Variants in FHAD1 observed in about 807,000 individuals in gnomAD.
FHAD1 encodes forkhead-associated domain-containing protein 1.
A neutral mutation model predicts 191.3 loss-of-function variants in FHAD1; 146 were observed. The observed-to-expected ratio is 0.76, with a 90% CI of 0.67 to 0.88. The LOEUF is 0.88. FHAD1 is among the 40% of genes least tolerant of loss of function. FHAD1 has a pLI of 0.00. For synonymous variants in FHAD1, 616 were observed against 672.3 expected, an observed-to-expected ratio of 0.92 and a Z score of 1.29; for missense variants, 1,635 against 1,785.8, an observed-to-expected ratio of 0.92 and a Z score of 1.52.
rs947828558 is a variant in FHAD1 at position 15,329,688 on chromosome 1, A to T, written c.1906+147A>T. On this transcript the variant is annotated intron_variant, in intron 14 of 33. Coordinates refer to ENST00000688493, the MANE Select transcript of FHAD1 (RefSeq NM_001391957.1). This position sits in a 1 kb window ranked among gnomAD's most constrained non-coding sequence, Gnocchi z 5.0. The stretch of plus-strand genomic sequence containing the variant: ...CCAGAACCCCCTGCTTCTCTGCTTG[A>T]GGCGTAATTTTCCATTAAAAAAAAA... 5.0e-6 allele frequency: 3 copies of T among 599,746 alleles called. No homozygotes were observed. Among genetic ancestry groups the T allele is most frequent in the African/African-American group, 3.7e-5 (2 of 53,850 alleles). 37.2% of individuals were successfully genotyped at this position (599,746 alleles called of 1,614,324 possible).
rs944514435 is a variant in FHAD1, at chr1:15,361,543, A to T, written c.2962+840A>T. Among the ~76,000 whole-genome samples, 19 of 152,034 alleles carry T rather than the reference A, an allele frequency of 1.2e-4. 1 individual carries two copies. The highest frequency in any genetic ancestry group is 4.6e-4 in the African/African-American group (19 of 41,388). On this transcript the variant is annotated intron_variant, in intron 22 of 33. Transcript: ENST00000688493. ...CTCGGTGGAGCTTCTGTTATGTTCC[A>T]ATCTCATGTAGGCACTCAGGATCCA...
chr1:15,293,992 G>A (rs1434431509), intron 4 of FHAD1, among the ~76,000 whole-genome samples: 1 of 152,146 alleles, frequency 6.6e-6, no homozygotes, highest in South Asian at 2.1e-4. Flanking sequence ...TCCCACCGGG[G>A]TGTCATCTGG....
chr1:15,373,250 C>T (rs1698622801), intron 26 of FHAD1, among the ~76,000 whole-genome samples: 1 of 152,156 alleles, frequency 6.6e-6, no homozygotes, highest in Non-Finnish European at 1.5e-5. Flanking sequence ...GTGGCTCACA[C>T]CTGTAATCCC....
At chr1:15,290,769 T>C (rs999130472) in intron 4 of FHAD1, among the ~76,000 whole-genome samples, 32 of 151,422 alleles carry the variant, frequency 2.1e-4, no homozygotes, top group Non-Finnish European at 3.8e-4. Flanking sequence ...TCGGCAGTGG[T>C]GCCATCTCAG....
At chr1:15,344,971 C>T in intron 16 of FHAD1, 112 bp from the exon 17 acceptor site, 1 of 795,864 alleles carries the variant, frequency 1.3e-6, no homozygotes, top group Non-Finnish European at 2.1e-6. Context: ...TGCCCACAGC[C>T]TCCCCAGGGG....
At chr1:15,320,981 C>T (rs1325135267) in intron 10 of FHAD1, among the ~76,000 whole-genome samples, 1 of 152,198 alleles carries the variant, frequency 6.6e-6, no homozygotes, top group Non-Finnish European at 1.5e-5. Context: ...TATTGCCAGG[C>T]TGGAGTGCAG....
chr1:15,345,234 G>A (rs1486706278), intron 17 of FHAD1, 44 bp downstream of exon 17: 4 of 1,499,314 alleles, frequency 2.7e-6, no homozygotes, highest in African/African-American at 2.8e-5. Flanking sequence ...CCCCACTGCA[G>A]CTAGGAAGGG....
intron 15 of FHAD1, among the ~76,000 whole-genome samples, chr1:15,340,202 G>T (rs1250819754): frequency 6.6e-6 from 1 of 152,202 alleles, no homozygotes; most frequent in Non-Finnish European, 1.5e-5. Context: ...ACAGGCAGCA[G>T]AATTACTAAA....
At chr1:15,380,343 C>A (rs576925690) in intron 28 of FHAD1, among the ~76,000 whole-genome samples, 1 of 152,312 alleles carries the variant, frequency 6.6e-6, no homozygotes, top group Non-Finnish European at 1.5e-5. Flanking sequence ...TAGTAGCACT[C>A]CCCGCCTGCA....
chr1:15,329,332 TCAC>T lies in FHAD1; in HGVS notation c.1711-12_1711-10del. On this transcript the variant is annotated splice_polypyrimidine_tract_variant and intron_variant, in intron 13 of 33. Transcript: ENST00000688493. This position sits in a 1 kb window ranked among gnomAD's most constrained non-coding sequence, Gnocchi z 5.0. ...CACAGGGCCTGGGCTCCTCATGATC[TCAC>T]CTCTTTGCAGGCTTGCATGAAAATA... is the stretch of plus-strand genomic sequence containing the variant. 1 of 1,533,510 alleles carries T rather than the reference TCAC, an allele frequency of 6.5e-7. No individual in the cohort carries two copies. The allele number at this position is 1,533,510 out of a possible 1,614,324, so 95.0% of individuals were successfully genotyped here. A position where few individuals can be genotyped will look rare whatever the true frequency, so the allele number is the denominator to read the frequency against.
intron 24 of FHAD1, among the ~76,000 whole-genome samples, chr1:15,366,335 T>C (rs1423562529): frequency 1.8e-5 from 2 of 109,156 alleles, no homozygotes; most frequent in African/African-American, 7.2e-5. Context: ...GCATAAAAAA[T>C]CCTGCTTCCC....
intron 5 of FHAD1, among the ~76,000 whole-genome samples, chr1:15,299,413 G>A (rs569288977): frequency 2.0e-5 from 3 of 152,246 alleles, no homozygotes; most frequent in Non-Finnish European, 4.4e-5. Context: ...TGGAAAACAT[G>A]ACTGTAGACA....
chr1:15,303,018 T>C (rs1669307849), intron 6 of FHAD1, among the ~76,000 whole-genome samples: 1 of 152,240 alleles, frequency 6.6e-6, no homozygotes, highest in Admixed American at 6.5e-5. Context: ...AATAGGACAG[T>C]GTCTGTTCAT....
At chr1:15,299,220 A>AAAAAAG (rs1667949761) in intron 5 of FHAD1, among the ~76,000 whole-genome samples, 1 of 119,838 alleles carries the variant, frequency 8.3e-6, no homozygotes, top group African/African-American at 4.3e-5. Flanking sequence ...AAAAAAAAGG[A>AAAAAAG]AAAAAAAAAA....
chr1:15,324,882 AAT>A (rs1677760541), intron 11 of FHAD1: 1 of 363,858 alleles, frequency 2.7e-6, no homozygotes, highest in Admixed American at 3.8e-5. Flanking sequence ...TTTTCTCCTT[AAT>A]GTTTTTAGTC....
At chr1:15,294,966 A>G (rs1036826636) in intron 4 of FHAD1, among the ~76,000 whole-genome samples, 2 of 152,132 alleles carry the variant, frequency 1.3e-5, no homozygotes, top group Non-Finnish European at 2.9e-5. Flanking sequence ...GAGAATGGAA[A>G]TGCGTGGGGT....
intron 20 of FHAD1, among the ~76,000 whole-genome samples, chr1:15,356,343 C>T (rs1390483156): frequency 2.6e-5 from 4 of 152,188 alleles, no homozygotes; most frequent in Non-Finnish European, 5.9e-5. Flanking sequence ...ACAAGGTCAG[C>T]ACATGCGGTT....
At chr1:15,392,270 C>T (rs561782349) in intron 33 of FHAD1, among the ~76,000 whole-genome samples, 6 of 152,302 alleles carry the variant, frequency 3.9e-5, no homozygotes, top group South Asian at 4.1e-4. Flanking sequence ...TGGTGGCTCA[C>T]GCCTGTAATC....
intron 32 of FHAD1, among the ~76,000 whole-genome samples, chr1:15,388,759 G>C (rs1364672692): frequency 6.6e-6 from 1 of 152,086 alleles, no homozygotes; most frequent in Non-Finnish European, 1.5e-5. Context: ...AGATACAATG[G>C]ATGGATGCTC....
Sources: allele counts gnomAD v4.1 joint callset (sites outside exome capture counted in the v4.1 genomes callset), GRCh38; gene constraint gnomAD v4.1.1; non-coding constraint Gnocchi (gnomAD v3.1); transcripts MANE v1.5; gene names NCBI Gene and HGNC (gene_info 2026-07-23, HGNC 2026-07-21).